ZNF407: variants seen among roughly 807,000 people sequenced by gnomAD.
ZNF407 encodes zinc finger protein 407.
Under a neutral mutation model 131.2 loss-of-function variants are expected in ZNF407, and 17 were observed. The observed-to-expected ratio is 0.13, with a 90% confidence interval of 0.09 to 0.19. The LOEUF (loss-of-function observed/expected upper bound fraction) is 0.19. Among genes scored for constraint, ZNF407 ranks in the 10% least tolerant of loss-of-function variants. The pLI is 1.00. For missense variants in ZNF407, 2,681 were observed against 2,830.6 expected (o/e 0.95, Z 1.20); for synonymous variants, 1,156 against 1,062.0 (o/e 1.09, Z -1.72).
At chr18:74,953,440 G>A (rs898584815) in intron 8 of ZNF407, among the ~76,000 whole-genome samples, 4 of 152,050 alleles carry the variant, frequency 2.6e-5, no homozygotes, top group Admixed American at 2.0e-4. Flanking sequence ...GTCTGCTTAC[G>A]TTGTATCATG....
intron 2 of ZNF407, among the ~76,000 whole-genome samples, chr18:74,640,253 T>A (rs1030052314): frequency 6.6e-6 from 1 of 152,146 alleles, no homozygotes; most frequent in African/African-American, 2.4e-5. Context: ...TTTGAAATAA[T>A]CTTATTTTCT....
intron 3 of ZNF407, among the ~76,000 whole-genome samples, chr18:74,758,879 CAAAAAATATATTT>C (rs1286688598): frequency 6.6e-6 from 1 of 152,040 alleles, no homozygotes; most frequent in Admixed American, 6.6e-5. Context: ...TATGCCTGGC[CAAAAAATATATTT>C]ATAGTTTTAA....
At position 74,732,152 on chromosome 18, in the gene ZNF407, A is replaced by G. The variant is rs989843633; in HGVS notation, c.4803-49276A>G. 3.9e-5 allele frequency among the ~76,000 whole-genome samples: 6 copies of G among 152,320 alleles called. No homozygotes were observed. In the Middle Eastern group the frequency reaches 0.01, roughly 259 times the overall value. ...TATTTATTATTTGGACTTCAGTTAA[A>G]TCTAAATAATGGAGCCATTTTCTGT... On this transcript the variant is annotated intron_variant, in intron 3 of 8. Transcript: ENST00000299687.
At chr18:74,893,238 A>G (rs1160630013) in intron 7 of ZNF407, among the ~76,000 whole-genome samples, 1 of 152,178 alleles carries the variant, frequency 6.6e-6, no homozygotes, top group African/African-American at 2.4e-5. Flanking sequence ...TAAATAAAAG[A>G]CTTATGACAT....
At chr18:74,774,934 G>C (rs1216323847) in intron 3 of ZNF407, among the ~76,000 whole-genome samples, 1 of 152,204 alleles carries the variant, frequency 6.6e-6, no homozygotes, top group Non-Finnish European at 1.5e-5. Context: ...TAGTGAGAGA[G>C]AGCAAGGAAG....
chr18:74,770,114 T>C (rs1293366675), intron 3 of ZNF407, among the ~76,000 whole-genome samples: 1 of 152,084 alleles, frequency 6.6e-6, no homozygotes, highest in East Asian at 1.9e-4. Flanking sequence ...ACAACAAAAC[T>C]TGGAAGCTGG....
chr18:74,658,244 G>A (rs1985562746), intron 3 of ZNF407, among the ~76,000 whole-genome samples: 1 of 151,906 alleles, frequency 6.6e-6, no homozygotes, highest in Non-Finnish European at 1.5e-5. Context: ...TCAGCCTCCC[G>A]AGCAGCTGGG....
At chr18:74,799,167 A>G (rs1051875348) in intron 4 of ZNF407, among the ~76,000 whole-genome samples, 1 of 152,156 alleles carries the variant, frequency 6.6e-6, no homozygotes, top group Non-Finnish European at 1.5e-5. Flanking sequence ...GTTCAAAGAA[A>G]TTACTTAGCA....
intron 8 of ZNF407, among the ~76,000 whole-genome samples, chr18:74,981,466 A>C (rs1399454797): frequency 6.6e-6 from 1 of 152,208 alleles, no homozygotes; most frequent in Non-Finnish European, 1.5e-5. Context: ...GAAGCTTACG[A>C]TCTGTTCCTG....
chr18:74,837,899 C>A (rs763734607), intron 4 of ZNF407, among the ~76,000 whole-genome samples: 1 of 152,168 alleles, frequency 6.6e-6, no homozygotes, highest in South Asian at 2.1e-4. Context: ...AGCGACCTGC[C>A]CATCTTGGCC....
chr18:74,743,412 G>C (rs1260131933), intron 3 of ZNF407, among the ~76,000 whole-genome samples: 1 of 151,980 alleles, frequency 6.6e-6, no homozygotes, highest in African/African-American at 2.4e-5. Context: ...CTCGATTCTT[G>C]CTTAATGGTT....
chr18:74,846,549 C>A (rs1327590336), intron 4 of ZNF407, among the ~76,000 whole-genome samples: 1 of 151,292 alleles, frequency 6.6e-6, no homozygotes, highest in African/African-American at 2.4e-5. Flanking sequence ...GTTGTCCAGG[C>A]TGGTCTTGAA....
chr18:74,823,832 GA>G (rs1970374232), intron 4 of ZNF407, among the ~76,000 whole-genome samples: 1 of 152,100 alleles, frequency 6.6e-6, no homozygotes, highest in Admixed American at 6.6e-5. Context: ...AGTTATTCAG[GA>G]TTTGAACTCA....
intron 1 of ZNF407, among the ~76,000 whole-genome samples, chr18:74,603,394 G>T (rs1275217197): frequency 6.6e-6 from 1 of 152,338 alleles, no homozygotes; most frequent in South Asian, 2.1e-4. Flanking sequence ...AGACTCTAGG[G>T]CTGCTCTCCA....
intron 4 of ZNF407, among the ~76,000 whole-genome samples, chr18:74,813,438 C>G (rs886836187): frequency 4.7e-5 from 7 of 150,328 alleles, no homozygotes; most frequent in African/African-American, 1.8e-4. Flanking sequence ...GCCGTGAGGC[C>G]ACAGAACACT....
At chr18:75,016,164 A>G (rs1973041599) in intron 8 of ZNF407, among the ~76,000 whole-genome samples, 1 of 152,012 alleles carries the variant, frequency 6.6e-6, no homozygotes, top group African/African-American at 2.4e-5. Flanking sequence ...GTATTTATGA[A>G]TGTTAGCGTG....
At chr18:74,622,229 C>G (rs993632553) in intron 1 of ZNF407, among the ~76,000 whole-genome samples, 1 of 152,204 alleles carries the variant, frequency 6.6e-6, no homozygotes, top group Admixed American at 6.5e-5. Flanking sequence ...ACAACTAATA[C>G]TAAGCTGCCT....
At chr18:74,609,967 T>A (rs7238096) in intron 1 of ZNF407, among the ~76,000 whole-genome samples, 22,634 of 152,146 alleles carry the variant, frequency 0.15, 2,011 homozygotes, top group African/African-American at 0.23. Context: ...TATATATGCT[T>A]TATATAATAT....
chr18:74,633,122 T>C lies in ZNF407; in HGVS notation c.2103T>C (p.Ser701=). 1 of 1,613,308 alleles carries C rather than the reference T, an allele frequency of 6.2e-7. No homozygotes were observed. The highest frequency in any genetic ancestry group is 8.5e-7 in the Non-Finnish European group (1 of 1,179,668). The change falls in exon 2 of 9, where the codon AGT becomes AGC. Residue 701 remains serine (S), a synonymous_variant. Transcript: ENST00000299687. ...ATGGTAATGAAGTGAGGCATTCCAG[T>C]AAGCCTCAGTTTCAGTGTAAGAAGT... is the stretch of plus-strand genomic sequence containing the variant. ...VSHGNEVRHS[S]KPQFQCKKCF...
Sources: allele counts gnomAD v4.1 joint callset (sites outside exome capture counted in the v4.1 genomes callset), GRCh38; gene constraint gnomAD v4.1.1; transcripts MANE v1.5; gene names NCBI Gene and HGNC (gene_info 2026-07-23, HGNC 2026-07-21).